RASA3: variants seen among roughly 807,000 people sequenced by gnomAD.
RASA3 encodes RAS p21 protein activator 3, also known as ras GTPase-activating protein 3.
A neutral mutation model predicts 110.0 loss-of-function variants in RASA3; 73 were observed. The observed-to-expected ratio is 0.66, with a 90% CI of 0.55 to 0.81. The LOEUF is 0.81. Among genes scored for constraint, RASA3 ranks in the 30% least tolerant of loss-of-function variants. RASA3 has a pLI of 0.00. For missense variants in RASA3, 976 were observed against 1,113.2 expected (o/e 0.88, Z 1.75); for synonymous variants, 500 against 451.4 (o/e 1.11, Z -1.37).
chr13:114,110,203 A>T (rs1348179622), intron 1 of RASA3, among the ~76,000 whole-genome samples: 1 of 152,252 alleles, frequency 6.6e-6, no homozygotes, highest in East Asian at 1.9e-4. Context: ...AGTGGGACAG[A>T]ATTCAGCAGT....
At chr13:114,064,938 C>T (rs1417508179) in intron 2 of RASA3, among the ~76,000 whole-genome samples, 3 of 152,254 alleles carry the variant, frequency 2.0e-5, no homozygotes, top group African/African-American at 2.4e-5. Flanking sequence ...AGGAAATTAA[C>T]GCACGCAGCA....
intron 7 of RASA3, among the ~76,000 whole-genome samples, chr13:114,026,094 C>T (rs1394280264): frequency 6.6e-6 from 1 of 152,236 alleles, no homozygotes; most frequent in Non-Finnish European, 1.5e-5. Flanking sequence ...CACTAAATTG[C>T]TCCTGTAGGC....
intron 22 of RASA3, among the ~76,000 whole-genome samples, chr13:113,983,427 C>T (rs537352376): frequency 7.9e-6 from 1 of 126,666 alleles, no homozygotes; most frequent in Non-Finnish European, 1.8e-5. Context: ...GCTGTGGGAG[C>T]GGCTTGGTTC....
intron 10 of RASA3, 75 bp from the exon 11 acceptor site, chr13:114,018,327 G>A (rs2053839968): frequency 6.8e-7 from 1 of 1,469,344 alleles, no homozygotes; most frequent in South Asian, 1.3e-5. Flanking sequence ...CCTTGGCTGG[G>A]GTCTCACTTC....
chr13:113,991,963 CCA>C (rs991004445), intron 22 of RASA3, among the ~76,000 whole-genome samples: 1 of 152,028 alleles, frequency 6.6e-6, no homozygotes, highest in African/African-American at 2.4e-5. Flanking sequence ...TCACACACGT[CCA>C]TTCATGCACT....
At chr13:114,058,974 C>T (rs568674503) in intron 2 of RASA3, among the ~76,000 whole-genome samples, 120 of 152,344 alleles carry the variant, frequency 7.9e-4, no homozygotes, top group African/African-American at 2.5e-3. Flanking sequence ...ATGCCAGAAG[C>T]GCCACTTGAG....
In RASA3 at chr13:114,005,798, C is replaced by T. The variant is rs1371812610; in HGVS notation, c.1742+1735G>A. On this transcript the variant is annotated intron_variant, in intron 18 of 23. Transcript: ENST00000334062. ...TTCTCCCCCCTCCTGCCCTGCCGGA[C>T]ACCACCTTACCCTTCTCCCCTCCTG... Among the ~76,000 whole-genome samples the T allele has an allele frequency of 4.3e-4, 50 of 117,646 alleles. 1 individual carries two copies. The highest frequency in any genetic ancestry group is 9.6e-4 in the African/African-American group (27 of 28,234). The allele number at this position is 117,646 out of a possible 152,430, so 77.2% of individuals were successfully genotyped here.
At chr13:114,003,654 A>G (rs893102455) in intron 18 of RASA3, among the ~76,000 whole-genome samples, 2 of 148,156 alleles carry the variant, frequency 1.3e-5, no homozygotes, top group Admixed American at 1.3e-4. Context: ...CTCGTAATAT[A>G]TTCTGTGTCC....
chr13:114,100,929 GCT>G (rs2080052260), intron 1 of RASA3, among the ~76,000 whole-genome samples: 3 of 152,190 alleles, frequency 2.0e-5, no homozygotes, highest in Non-Finnish European at 2.9e-5. Flanking sequence ...CTCAGAAATT[GCT>G]TATTTTTAGA....
At chr13:114,063,246 C>T (rs957171814) in intron 2 of RASA3, among the ~76,000 whole-genome samples, 2 of 151,472 alleles carry the variant, frequency 1.3e-5, no homozygotes, top group Non-Finnish European at 2.9e-5. Flanking sequence ...ATTAACATTC[C>T]AGGAAACATC....
In RASA3 at chr13:114,011,359, G is replaced by T; in HGVS notation, c.1513-111C>A. ...TCACCTCAGAGCTGCTGTGGCTTGT[G>T]CATGAGCTACGGAGAAACAGGGGTA... On this transcript the variant is annotated intron_variant, in intron 15 of 23. Transcript: ENST00000334062. The surrounding 1 kb of genome is among the most constrained non-coding windows in gnomAD (Gnocchi z 4.8). The T allele has an allele frequency of 1.0e-6, 1 of 956,336 alleles. No homozygotes were observed. Among genetic ancestry groups the T allele is most frequent in the Non-Finnish European group, 1.6e-6 (1 of 608,702 alleles). 59.2% of individuals were successfully genotyped at this position (956,336 alleles called of 1,614,324 possible). A position where few individuals can be genotyped will look rare whatever the true frequency, so the allele number is the denominator to read the frequency against.
At chr13:114,067,317 C>T (rs1413872751) in intron 2 of RASA3, among the ~76,000 whole-genome samples, 1 of 152,252 alleles carries the variant, frequency 6.6e-6, no homozygotes, top group Non-Finnish European at 1.5e-5. Context: ...TCCCCTACTC[C>T]AGCAGTTCTG....
At chr13:114,097,014 C>G (rs561941154) in intron 1 of RASA3, among the ~76,000 whole-genome samples, 3 of 152,352 alleles carry the variant, frequency 2.0e-5, no homozygotes, top group African/African-American at 7.2e-5. Flanking sequence ...CCAGATCACC[C>G]CCAAAGCCAC....
Position 114,021,263 on chromosome 13 carries a change from T to C in RASA3, c.785+141A>G, listed in dbSNP as rs545463216. 699 of 682,034 alleles carry C rather than the reference T, an allele frequency of 1.0e-3. 1 individual carries two copies. Among genetic ancestry groups the C allele is most frequent in the Non-Finnish European group, 1.4e-3 (562 of 397,586 alleles). 42.2% of individuals were successfully genotyped at this position (682,034 alleles called of 1,614,324 possible). ...TCATCAAGCCAGAGCTCGTCAGAGC[T>C]ACATGCAAAGTAAGAGCAGGTGGGT... On this transcript the variant is annotated intron_variant, in intron 9 of 23. Transcript: ENST00000334062.
chr13:114,010,812 G>T (rs2053621467), intron 16 of RASA3, among the ~76,000 whole-genome samples: 1 of 151,924 alleles, frequency 6.6e-6, no homozygotes, highest in Non-Finnish European at 1.5e-5. Flanking sequence ...GAGGGGAGTA[G>T]GGGGCTGCGT....
chr13:114,007,753 C>T, intron 17 of RASA3, 147 bp from the exon 18 acceptor site: 1 of 695,630 alleles, frequency 1.4e-6, no homozygotes, highest in Non-Finnish European at 2.5e-6. Flanking sequence ...TCCCCGAGGG[C>T]TGTGGGGCCT....
chr13:114,117,228 T>TGA (rs2080296359), intron 1 of RASA3, among the ~76,000 whole-genome samples: 2 of 61,980 alleles, frequency 3.2e-5, no homozygotes, highest in South Asian at 5.6e-4. Context: ...GTGTGAGGGG[T>TGA]GCATGTGTGT....
chr13:114,123,664 G>A (rs139446134), intron 1 of RASA3, among the ~76,000 whole-genome samples: 7 of 152,330 alleles, frequency 4.6e-5, no homozygotes, highest in African/African-American at 9.6e-5. Flanking sequence ...CACGCCATGC[G>A]CACCAGGCAG....
chr13:114,031,369 CTATG>C (rs1055331602), intron 4 of RASA3, among the ~76,000 whole-genome samples: 1 of 151,198 alleles, frequency 6.6e-6, no homozygotes, highest in African/African-American at 2.4e-5. Context: ...GTGTGTGCGA[CTATG>C]TGTGCATGTC....
Sources: allele counts gnomAD v4.1 joint callset (sites outside exome capture counted in the v4.1 genomes callset), GRCh38; gene constraint gnomAD v4.1.1; non-coding constraint Gnocchi (gnomAD v3.1); transcripts MANE v1.5; gene names NCBI Gene and HGNC (gene_info 2026-07-23, HGNC 2026-07-21).